Variants in ARHGAP32 observed in about 807,000 individuals in gnomAD.
ARHGAP32 encodes the protein rho GTPase-activating protein 32.
In ARHGAP32, 51 loss-of-function variants were observed where a neutral mutation model predicts 186.5. That is an observed-to-expected ratio of 0.27 (90% CI 0.22 to 0.35). The LOEUF (loss-of-function observed/expected upper bound fraction) is 0.35. Among genes scored for constraint, ARHGAP32 ranks in the 10% least tolerant of loss-of-function variants. The pLI is 1.00. For synonymous variants in ARHGAP32, 950 were observed against 964.3 expected, an observed-to-expected ratio of 0.99 and a Z score of 0.27; for missense variants, 2,186 against 2,623.5, an observed-to-expected ratio of 0.83 and a Z score of 3.64.
chr11:129,234,779 G>A (rs545620874), intron 1 of ARHGAP32, among the ~76,000 whole-genome samples: 3 of 152,256 alleles, frequency 2.0e-5, no homozygotes, highest in African/African-American at 7.2e-5. Context: ...GGGCGTCTCT[G>A]TCAGGACAAC....
intron 1 of ARHGAP32, among the ~76,000 whole-genome samples, chr11:129,234,962 T>C (rs1944908924): frequency 6.6e-6 from 1 of 152,158 alleles, no homozygotes; most frequent in African/African-American, 2.4e-5. Context: ...ATCCACATCC[T>C]AATACCTGGA....
chr11:129,242,509 G>C (rs1028732939), intron 1 of ARHGAP32, among the ~76,000 whole-genome samples: 35 of 152,234 alleles, frequency 2.3e-4, no homozygotes, highest in Non-Finnish European at 4.6e-4. Flanking sequence ...ACAAGGTCAG[G>C]AGATCGAGAC....
chr11:129,198,774 C>T (rs1343202775), intron 1 of ARHGAP32, among the ~76,000 whole-genome samples: 1 of 152,088 alleles, frequency 6.6e-6, no homozygotes, highest in African/African-American at 2.4e-5. Context: ...TGCAAAGATA[C>T]CCGAAAATGT....
At chr11:129,150,913 C>A (rs1943272077) in intron 2 of ARHGAP32, among the ~76,000 whole-genome samples, 2 of 148,496 alleles carry the variant, frequency 1.3e-5, no homozygotes. Context: ...ACTTAAAAGA[C>A]AGAGAATGGC....
At chr11:128,982,475 G>A (rs527666240) in intron 15 of ARHGAP32, among the ~76,000 whole-genome samples, 24 of 10,744 alleles carry the variant, frequency 2.2e-3, no homozygotes, top group Non-Finnish European at 0.011. Context: ...GGTAAGTGCC[G>A]TGTGTGTGTG....
chr11:129,241,694 T>C (rs7111084), intron 1 of ARHGAP32, among the ~76,000 whole-genome samples: 3,373 of 152,224 alleles, frequency 0.022, 70 homozygotes, highest in African/African-American at 0.051. Context: ...CTGGATTTAG[T>C]AAAAACAAAG....
At chr11:129,011,157 C>T (rs548302313) in intron 11 of ARHGAP32, among the ~76,000 whole-genome samples, 1 of 152,276 alleles carries the variant, frequency 6.6e-6, no homozygotes, top group East Asian at 1.9e-4. Flanking sequence ...TTACTTTACA[C>T]TTAGTATGTG....
At chr11:129,217,146 A>T (rs982547154) in intron 1 of ARHGAP32, among the ~76,000 whole-genome samples, 6 of 152,074 alleles carry the variant, frequency 3.9e-5, no homozygotes, top group African/African-American at 1.4e-4. Context: ...TGTTATTTGG[A>T]GCATGAATAA....
chr11:128,973,457 TGA>T, intron 21 of ARHGAP32, 25 bp from the exon 22 acceptor site: 1 of 1,607,412 alleles, frequency 6.2e-7, no homozygotes, highest in Non-Finnish European at 8.5e-7. Context: ...GGAAAAAAAA[TGA>T]GAGTGAAAAG....
intron 1 of ARHGAP32, among the ~76,000 whole-genome samples, chr11:129,220,931 C>A (rs1316420015): frequency 1.3e-5 from 2 of 152,188 alleles, no homozygotes; most frequent in Middle Eastern, 3.4e-3. Flanking sequence ...TTAAAACATA[C>A]CAAAACCTGA....
chr11:129,062,990 A>G (rs1940561119), intron 9 of ARHGAP32, among the ~76,000 whole-genome samples: 1 of 152,146 alleles, frequency 6.6e-6, no homozygotes. Flanking sequence ...AACTCATATA[A>G]AATCATAAAT....
intron 1 of ARHGAP32, among the ~76,000 whole-genome samples, chr11:129,234,204 CTT>C (rs1463778971): frequency 1.3e-5 from 2 of 151,912 alleles, no homozygotes. Flanking sequence ...ATAAGATTTC[CTT>C]TTAAGAACTT....
Position 128,968,584 on chromosome 11 carries a change from G to A in ARHGAP32, c.*323C>T, listed in dbSNP as rs1945270993. 4.8e-6 allele frequency: 1 copy of A among 206,340 alleles called. No homozygotes were observed. Among genetic ancestry groups the A allele is most frequent in the Admixed American group, 5.8e-5 (1 of 17,274 alleles). The allele number at this position is 206,340 out of a possible 1,614,324, so 12.8% of individuals were successfully genotyped here. Reference sequence around the variant, plus strand: ...AAGGACAATGCTGAATTCAAATTCAGTTAAAGGCAGTCCTCAGGCTCTTTC... The same window carrying A: ...AAGGACAATGCTGAATTCAAATTCAATTAAAGGCAGTCCTCAGGCTCTTTC... On this transcript the variant is annotated 3_prime_UTR_variant, in exon 23 of 23. Transcript: ENST00000682385.
intron 2 of ARHGAP32, among the ~76,000 whole-genome samples, chr11:129,134,272 C>A (rs1253402697): frequency 6.6e-6 from 1 of 151,246 alleles, no homozygotes; most frequent in Non-Finnish European, 1.5e-5. Flanking sequence ...CAGAAAGAAA[C>A]TAAAGGTCTA....
intron 1 of ARHGAP32, among the ~76,000 whole-genome samples, chr11:129,249,975 G>A (rs1434388757): frequency 6.6e-6 from 1 of 152,014 alleles, no homozygotes; most frequent in African/African-American, 2.4e-5. Flanking sequence ...CACTTTAGGA[G>A]GCTGATGCGG....
chr11:129,010,003 T>C (rs1013042619), intron 11 of ARHGAP32, among the ~76,000 whole-genome samples: 3 of 152,222 alleles, frequency 2.0e-5, no homozygotes, highest in Admixed American at 6.5e-5. Flanking sequence ...TTTTTAATAA[T>C]CGCCATTCTG....
chr11:128,983,339 G>C (rs1372232607), intron 15 of ARHGAP32, among the ~76,000 whole-genome samples: 1 of 152,126 alleles, frequency 6.6e-6, no homozygotes, highest in African/African-American at 2.4e-5. Context: ...AAGTGAGGCT[G>C]GCCTGGGTAT....
intron 6 of ARHGAP32, among the ~76,000 whole-genome samples, chr11:129,074,495 A>T (rs1466402831): frequency 2.6e-5 from 4 of 151,834 alleles, no homozygotes; most frequent in East Asian, 1.9e-4. Flanking sequence ...AAAAAAAAAA[A>T]TTTTTCTTCT....
At chr11:129,028,022 G>C (rs914388484) in intron 11 of ARHGAP32, among the ~76,000 whole-genome samples, 2 of 152,208 alleles carry the variant, frequency 1.3e-5, no homozygotes, top group East Asian at 1.9e-4. Flanking sequence ...ACTGACTAAA[G>C]GGCATATGGG....
Sources: gnomAD v4.1 joint callset for allele counts (sites outside exome capture counted in the v4.1 genomes callset) on GRCh38, gnomAD v4.1.1 for gene constraint, MANE v1.5 for transcripts, NCBI Gene and HGNC (gene_info 2026-07-23, HGNC 2026-07-21) for gene names.